Variants in ANKRD44 observed in about 807,000 individuals in gnomAD.
The protein encoded by ANKRD44 is ankyrin repeat domain 44, also known as serine/threonine-protein phosphatase 6 regulatory ankyrin repeat subunit B.
A neutral mutation model predicts 116.0 loss-of-function variants in ANKRD44; 35 were observed. That is an observed-to-expected ratio of 0.30 (90% CI 0.23 to 0.40). The LOEUF is 0.40. Ranked by LOEUF, ANKRD44 falls within the 10% of genes least tolerant of loss-of-function variation. ANKRD44 has a pLI of 1.00. For synonymous variants in ANKRD44, 435 were observed against 461.8 expected, an observed-to-expected ratio of 0.94 and a Z score of 0.74; for missense variants, 1,014 against 1,242.6, an observed-to-expected ratio of 0.82 and a Z score of 2.77.
intron 16 of ANKRD44, among the ~76,000 whole-genome samples, chr2:197,039,680 CGTGTGTGTGTGTGTGTGTGTGT>C (rs10535447): frequency 7.1e-4 from 100 of 141,556 alleles, no homozygotes; most frequent in Admixed American, 3.3e-3. Flanking sequence ...TGTGTGTGTG[CGTGTGTGTGTGTGTGTGTGTGT>C]GTGTGTGTGT....
At chr2:197,305,992 T>TATATATATATATATATATATA (rs1559237403) in intron 1 of ANKRD44, among the ~76,000 whole-genome samples, 2 of 145,232 alleles carry the variant, frequency 1.4e-5, no homozygotes, top group African/African-American at 2.6e-5. Context: ...TATATATATA[T>TATATATATATATATATATATA]GAAAAAAATC....
At chr2:197,273,978 AAAATAT>A (rs2082985476) in intron 1 of ANKRD44, among the ~76,000 whole-genome samples, 3 of 49,722 alleles carry the variant, frequency 6.0e-5, no homozygotes, top group African/African-American at 8.0e-5. Flanking sequence ...AAAAAAAAAA[AAAATAT>A]ATATATATAT....
At chr2:196,985,122 G>A (rs569576797), downstream of ANKRD44, among the ~76,000 whole-genome samples, 4 of 152,306 alleles carry the variant, frequency 2.6e-5, no homozygotes, top group South Asian at 8.3e-4. Context: ...GGCAAGGAAC[G>A]GACGGCAGCC....
At chr2:197,040,280 C>T (rs1001760340) in intron 16 of ANKRD44, among the ~76,000 whole-genome samples, 21 of 151,758 alleles carry the variant, frequency 1.4e-4, no homozygotes, top group Non-Finnish European at 2.5e-4. Flanking sequence ...ACAGGCCCAC[C>T]CAAAAATTAA....
intron 25 of ANKRD44, among the ~76,000 whole-genome samples, chr2:196,997,048 A>C (rs1689478537): frequency 6.6e-6 from 1 of 152,180 alleles, no homozygotes; most frequent in Non-Finnish European, 1.5e-5. Flanking sequence ...CCCAAATTCG[A>C]AAATCTGAAA....
At chr2:197,066,977 A>C (rs1237554886) in intron 16 of ANKRD44, among the ~76,000 whole-genome samples, 3 of 152,186 alleles carry the variant, frequency 2.0e-5, no homozygotes, top group African/African-American at 7.2e-5. Flanking sequence ...CGTTGCCAAG[A>C]CAATCCTAAG....
At chr2:197,239,992 A>G (rs2082056166) in intron 1 of ANKRD44, among the ~76,000 whole-genome samples, 1 of 152,146 alleles carries the variant, frequency 6.6e-6, no homozygotes. Context: ...TAATATATGC[A>G]TTTTTGGTCA....
intron 1 of ANKRD44, among the ~76,000 whole-genome samples, chr2:197,274,108 C>G (rs906124201): frequency 1.3e-5 from 2 of 148,482 alleles, no homozygotes; most frequent in Non-Finnish European, 3.0e-5. Flanking sequence ...AACCAAATGA[C>G]TGAATGAATG....
intron 10 of ANKRD44, chr2:197,099,602 C>T (rs938173379): frequency 7.9e-7 from 1 of 1,258,136 alleles, no homozygotes; most frequent in Admixed American, 3.8e-5. Context: ...CTGAAATAGA[C>T]CTCATTTGGA....
At position 197,284,170 on chromosome 2, in the gene ANKRD44, TAGAC is replaced by T. The variant is rs1405278728; in HGVS notation, c.27+26404_27+26407del. On this transcript the variant is annotated intron_variant, in intron 1 of 27. Coordinates refer to ENST00000282272, the MANE Select transcript of ANKRD44 (RefSeq NM_001195144.2). ...AGACATCTATACCTATTGACATTAA[TAGAC>T]AGAACTCACTTTAGTGAAATCCACT... Among the ~76,000 whole-genome samples, 19 of 152,164 alleles carry T rather than the reference TAGAC, an allele frequency of 1.2e-4. 1 individual carries two copies. The highest frequency in any genetic ancestry group is 6.5e-5 in the Admixed American group (1 of 15,272).
intron 16 of ANKRD44, among the ~76,000 whole-genome samples, chr2:197,063,269 A>G (rs1312236035): frequency 2.0e-5 from 3 of 152,342 alleles, no homozygotes; most frequent in Middle Eastern, 3.4e-3. Flanking sequence ...AAACTAACAA[A>G]CAGAAAGGAC....
chr2:197,027,917 T>C (rs2076628356), intron 16 of ANKRD44, among the ~76,000 whole-genome samples: 1 of 151,930 alleles, frequency 6.6e-6, no homozygotes, highest in African/African-American at 2.4e-5. Flanking sequence ...CTCAAACTCT[T>C]GGGCTCAAGC....
intron 8 of ANKRD44, among the ~76,000 whole-genome samples, chr2:197,120,484 T>C (rs1191138507): frequency 2.0e-5 from 3 of 152,136 alleles, no homozygotes. Flanking sequence ...ACACCATCTC[T>C]ACTAATAATA....
intron 21 of ANKRD44, among the ~76,000 whole-genome samples, chr2:196,972,008 G>A (rs2075719417): frequency 6.6e-6 from 1 of 152,184 alleles, no homozygotes; most frequent in African/African-American, 2.4e-5. Context: ...GGCCTCAAGT[G>A]TAGCCAAGGA....
chr2:197,147,364 G>C (rs1329568161), intron 2 of ANKRD44, among the ~76,000 whole-genome samples: 1 of 150,310 alleles, frequency 6.7e-6, no homozygotes, highest in Non-Finnish European at 1.5e-5. Context: ...TGAGGTCATA[G>C]ATGGATCATT....
At chr2:197,234,278 A>G (rs1200644271) in intron 1 of ANKRD44, among the ~76,000 whole-genome samples, 2 of 151,484 alleles carry the variant, frequency 1.3e-5, no homozygotes, top group Non-Finnish European at 2.9e-5. Context: ...TGCCTCCTCA[A>G]CCTCCTGTGC....
chr2:197,267,706 T>C (rs2082777461), intron 1 of ANKRD44, among the ~76,000 whole-genome samples: 1 of 152,200 alleles, frequency 6.6e-6, no homozygotes, highest in Non-Finnish European at 1.5e-5. Flanking sequence ...GCTGGTTATC[T>C]AAGTAAGCAG....
At position 197,299,685 on chromosome 2, in the gene ANKRD44, G is replaced by A. The variant is rs541291207; in HGVS notation, c.27+10893C>T. On this transcript the variant is annotated intron_variant, in intron 1 of 27. Transcript: ENST00000282272. ...ATGAGCTTTGGGGAATCAGGGAAATGGTGAGAAAGGAGTGAGGGATAAAAG... is the reference window on the plus strand; with the variant it reads ...ATGAGCTTTGGGGAATCAGGGAAATAGTGAGAAAGGAGTGAGGGATAAAAG... The A allele has an allele frequency of 5.3e-5, 8 of 152,260 alleles. No individual in the cohort carries two copies. In the South Asian group the frequency reaches 1.7e-3, roughly 32 times the overall value. The allele number at this position is 152,260 out of a possible 1,614,324, so 9.4% of individuals were successfully genotyped here.
intron 1 of ANKRD44, among the ~76,000 whole-genome samples, chr2:197,299,801 C>T (rs2083843161): frequency 6.6e-6 from 1 of 152,136 alleles, no homozygotes; most frequent in Non-Finnish European, 1.5e-5. Context: ...AATCAAACAC[C>T]ACCCATTCCC....
Sources: gnomAD v4.1 joint callset for allele counts (sites outside exome capture counted in the v4.1 genomes callset) on GRCh38, gnomAD v4.1.1 for gene constraint, MANE v1.5 for transcripts, NCBI Gene and HGNC (gene_info 2026-07-23, HGNC 2026-07-21) for gene names.